TNFRSF11B: variants seen among roughly 807,000 people sequenced by gnomAD.
The protein encoded by TNFRSF11B is tumor necrosis factor receptor superfamily member 11B.
A neutral mutation model predicts 43.4 loss-of-function variants in TNFRSF11B; 16 were observed. The observed-to-expected ratio is 0.37, with a 90% CI of 0.25 to 0.56. The LOEUF is 0.56. Among genes scored for constraint, TNFRSF11B ranks in the 20% least tolerant of loss-of-function variants. The pLI is 0.80. For synonymous variants in TNFRSF11B, 185 were observed against 181.8 expected (o/e 1.02, Z -0.14); for missense variants, 444 against 490.1 (o/e 0.91, Z 0.89).
intron 2 of TNFRSF11B, among the ~76,000 whole-genome samples, chr8:118,929,665 A>C (rs1411020594): frequency 6.6e-6 from 1 of 152,262 alleles, no homozygotes; most frequent in Non-Finnish European, 1.5e-5. Flanking sequence ...TGAAGAAATC[A>C]TTGGCAGAAA....
intron 1 of TNFRSF11B, among the ~76,000 whole-genome samples, chr8:118,937,773 C>A (rs1376246430): frequency 6.6e-6 from 1 of 152,060 alleles, no homozygotes; most frequent in Non-Finnish European, 1.5e-5. Flanking sequence ...CAATTAGTTT[C>A]AATCAATTAG....
intron 1 of TNFRSF11B, among the ~76,000 whole-genome samples, chr8:118,940,792 G>C (rs191581406): frequency 6.6e-6 from 1 of 152,238 alleles, no homozygotes; most frequent in Admixed American, 6.5e-5. Flanking sequence ...GATAAAATTA[G>C]TTTCAGTATC....
intron 3 of TNFRSF11B, among the ~76,000 whole-genome samples, chr8:118,928,434 G>T (rs184944380): frequency 6.6e-6 from 1 of 152,310 alleles, no homozygotes; most frequent in Non-Finnish European, 1.5e-5. Flanking sequence ...CTACAGTTTG[G>T]ACTCTCCTAA....
Position 118,926,701 on chromosome 8 carries a change from C to T in TNFRSF11B, c.610G>A (p.Glu204Lys). ...KCGIDVTLCE[E>K]AFFRFAVPTK... ...GGAACAGCAAACCTGAAGAATGCCT[C>T]CTCACACAGGGTAACATCTAAAGAA... Residue 204 changes from glutamate to lysine, a missense_variant, in exon 4 of 5, where the codon GAG becomes AAG. Physicochemically the swap from Glu to Lys is moderately conservative, Grantham distance 56. Coordinates refer to ENST00000297350, the MANE Select transcript of TNFRSF11B (RefSeq NM_002546.4). 1 of 1,613,788 alleles carries T rather than the reference C, an allele frequency of 6.2e-7. No individual in the cohort carries two copies. Among genetic ancestry groups the T allele is most frequent in the Non-Finnish European group, 8.5e-7 (1 of 1,179,848 alleles).
chr8:118,949,756 A>C (rs1488453954), intron 1 of TNFRSF11B, among the ~76,000 whole-genome samples: 1 of 152,330 alleles, frequency 6.6e-6, no homozygotes, highest in African/African-American at 2.4e-5. Flanking sequence ...AATAGTGTCT[A>C]TCTTGCTTTT....
intron 4 of TNFRSF11B, among the ~76,000 whole-genome samples, chr8:118,926,179 G>A (rs529698213): frequency 6.6e-6 from 1 of 152,278 alleles, no homozygotes; most frequent in South Asian, 2.1e-4. Context: ...TAGAGGGGCT[G>A]CTTACAGAAG....
chr8:118,924,315 G>T lies in TNFRSF11B; in HGVS notation c.*59C>A. 1.3e-6 allele frequency: 2 copies of T among 1,587,892 alleles called. No homozygotes were observed. The highest frequency in any genetic ancestry group is 1.7e-6 in the Non-Finnish European group (2 of 1,158,874). ...GAAAGCCTCAAGTGCCTGAGAAACA[G>T]TTTACTCATCCATGGGATCTCGCCA... On this transcript the variant is annotated 3_prime_UTR_variant, in exon 5 of 5. Coordinates refer to ENST00000297350, the MANE Select transcript of TNFRSF11B (RefSeq NM_002546.4).
intron 1 of TNFRSF11B, among the ~76,000 whole-genome samples, chr8:118,938,856 A>G (rs565893955): frequency 6.6e-6 from 1 of 152,378 alleles, no homozygotes; most frequent in South Asian, 2.1e-4. Flanking sequence ...GCATTATGCA[A>G]TGCAGCCAAT....
At chr8:118,928,996 C>T (rs1812288539) in intron 2 of TNFRSF11B, 67 bp from the exon 3 acceptor site, 3 of 1,468,870 alleles carry the variant, frequency 2.0e-6, no homozygotes, top group Middle Eastern at 1.7e-4. Flanking sequence ...GCCCTCTTAA[C>T]ACAGTTTTGG....
intron 1 of TNFRSF11B, among the ~76,000 whole-genome samples, chr8:118,946,032 T>A (rs918481850): frequency 1.2e-4 from 18 of 152,176 alleles, no homozygotes; most frequent in African/African-American, 1.9e-4. Flanking sequence ...TGAATTTTTT[T>A]AAAAATCACA....
rs1261710238 is a variant in TNFRSF11B, at chr8:118,928,960, TCTC to T, written c.401-34_401-32del. 5.0e-6 allele frequency: 8 copies of T among 1,606,830 alleles called. No homozygotes were observed. The Admixed American group carries it at 5.0e-5, about 10-fold the overall frequency. The stretch of plus-strand genomic sequence containing the variant: ...GAAAATACCAAGCAATTTAGTACCT[TCTC>T]CTCAAATCGTTTCCCAGCAGATGCC... On this transcript the variant is annotated intron_variant, in intron 2 of 4. Coordinates refer to ENST00000297350, the MANE Select transcript of TNFRSF11B (RefSeq NM_002546.4).
chr8:118,926,359 C>A, intron 4 of TNFRSF11B, 135 bp downstream of exon 4: 1 of 868,808 alleles, frequency 1.2e-6, no homozygotes, highest in Non-Finnish European at 1.8e-6. Flanking sequence ...TTGGTGGAAA[C>A]TTTTTCAGTC....
At chr8:118,938,319 C>A (rs1167366367) in intron 1 of TNFRSF11B, among the ~76,000 whole-genome samples, 1 of 152,044 alleles carries the variant, frequency 6.6e-6, no homozygotes, top group Non-Finnish European at 1.5e-5. Flanking sequence ...TGTATTAAAG[C>A]AACTCTGTGC....
Position 118,924,442 on chromosome 8 carries a change from A to G in TNFRSF11B, c.1138T>C (p.Leu380=), listed in dbSNP as rs373470752. 1.1e-5 allele frequency: 18 copies of G among 1,614,046 alleles called. No individual in the cohort carries two copies. Among genetic ancestry groups the G allele is most frequent in the Non-Finnish European group, 1.4e-5 (16 of 1,180,024 alleles). Residue 380 remains leucine, a synonymous_variant, in exon 5 of 5, where the codon TTG becomes CTG. Transcript: ENST00000297350. ...RFLHSFTMYK[L]YQKLFLEMIG... Reference sequence around the variant, plus strand: ...ATTTCTAAAAATAACTTCTGATACAATTTGTACATTGTGAAGCTGTGAAGG... The same window carrying G: ...ATTTCTAAAAATAACTTCTGATACAGTTTGTACATTGTGAAGCTGTGAAGG...
rs1341299204 is a variant in TNFRSF11B, at chr8:118,923,840, C to T, written c.*534G>A. 1 of 152,532 alleles carries T rather than the reference C, an allele frequency of 6.6e-6. No individual in the cohort carries two copies. The highest frequency in any genetic ancestry group is 1.5e-5 in the Non-Finnish European group (1 of 68,074). 9.4% of individuals were successfully genotyped at this position (152,532 alleles called of 1,614,324 possible). ...CATTAAAAATATATATTTTCTCTTT[C>T]ATTTGTCATAATAAACAGAATATAA... is the stretch of plus-strand genomic sequence containing the variant. On this transcript the variant is annotated 3_prime_UTR_variant, in exon 5 of 5. Transcript: ENST00000297350.
At chr8:118,931,325 G>A (rs1812325377) in intron 2 of TNFRSF11B, among the ~76,000 whole-genome samples, 3 of 152,158 alleles carry the variant, frequency 2.0e-5, no homozygotes, top group Admixed American at 2.0e-4. Context: ...AGTGTACACA[G>A]AGTAAAATGT....
chr8:118,945,386 A>G (rs7463176), intron 1 of TNFRSF11B, among the ~76,000 whole-genome samples: 101,708 of 151,932 alleles, frequency 0.67, 36,072 homozygotes, highest in African/African-American at 0.92. Context: ...ACCCATAGAA[A>G]TGGTGTCACC....
At chr8:118,926,388 G>A (rs948963687) in intron 4 of TNFRSF11B, 106 bp downstream of exon 4, 22 of 1,080,584 alleles carry the variant, frequency 2.0e-5, no homozygotes, top group African/African-American at 3.1e-5. Flanking sequence ...ATTCCAACAG[G>A]GAAACAAGAT....
intron 1 of TNFRSF11B, among the ~76,000 whole-genome samples, chr8:118,943,522 A>G (rs567472479): frequency 1.3e-5 from 2 of 152,220 alleles, no homozygotes; most frequent in African/African-American, 4.8e-5. Context: ...TAATAGATAT[A>G]TACTAGTATA....
Sources: allele counts gnomAD v4.1 joint callset (sites outside exome capture counted in the v4.1 genomes callset), GRCh38; gene constraint gnomAD v4.1.1; transcripts MANE v1.5; gene names NCBI Gene and HGNC (gene_info 2026-07-23, HGNC 2026-07-21).